The following HECTD4 variants were observed in gnomAD, a reference collection of about 807,000 sequenced individuals.
HECTD4 encodes HECT domain E3 ubiquitin protein ligase 4, also known as probable E3 ubiquitin-protein ligase HECTD4.
HECTD4 carries 114 observed loss-of-function variants against 471.5 expected under a neutral mutation model. The ratio of observed to expected loss-of-function variants is 0.24; its 90% CI spans 0.21 to 0.28. HECTD4 has a LOEUF of 0.28. Ranked by LOEUF, HECTD4 falls within the 10% of genes least tolerant of loss-of-function variation. The pLI, the probability that HECTD4 is intolerant of heterozygous loss-of-function variation, is 1.00. For synonymous variants in HECTD4, 2,012 were observed against 2,256.0 expected (o/e 0.89, Z 3.07); for missense variants, 3,866 against 5,651.5 (o/e 0.68, Z 10.13).
intron 8 of HECTD4, among the ~76,000 whole-genome samples, chr12:112,280,934 G>A (rs1385433094): frequency 6.6e-6 from 1 of 151,640 alleles, no homozygotes; most frequent in African/African-American, 2.4e-5. Context: ...GAGACTACAG[G>A]AGCCCACCAT....
chr12:112,229,674 T>C, intron 41 of HECTD4, 24 bp downstream of exon 41: 1 of 1,594,420 alleles, frequency 6.3e-7, no homozygotes, highest in Admixed American at 1.7e-5. Context: ...GAAGCAATGA[T>C]TTGGGGAACA....
chr12:112,238,211 C>T (rs1298975848), intron 34 of HECTD4, among the ~76,000 whole-genome samples: 1 of 152,054 alleles, frequency 6.6e-6, no homozygotes, highest in Non-Finnish European at 1.5e-5. Context: ...GGAAATTTAT[C>T]CTTCAAGTTT....
chr12:112,273,410 C>T (rs185402960), intron 11 of HECTD4, among the ~76,000 whole-genome samples: 1 of 152,240 alleles, frequency 6.6e-6, no homozygotes, highest in Admixed American at 6.5e-5. Context: ...AAGGACATAA[C>T]AATTTTCCTT....
At chr12:112,372,483 G>A (rs1272190872) in intron 1 of HECTD4, among the ~76,000 whole-genome samples, 5 of 138,794 alleles carry the variant, frequency 3.6e-5, no homozygotes, top group Admixed American at 7.7e-5. Context: ...AGATGGTCTC[G>A]ATCTCCTGAC....
chr12:112,345,038 G>A (rs1027361725), intron 1 of HECTD4, among the ~76,000 whole-genome samples: 2 of 152,172 alleles, frequency 1.3e-5, no homozygotes, highest in South Asian at 2.1e-4. Flanking sequence ...AGGATCACAT[G>A]AGCCCAGGAG....
In HECTD4 at chr12:112,170,379, G is replaced by A. The variant is rs2031165402; in HGVS notation, c.12006C>T (p.Asp4002=). 5 of 1,613,984 alleles carry A rather than the reference G, an allele frequency of 3.1e-6. No homozygotes were observed. The East Asian group carries it at 8.9e-5, about 29-fold the overall frequency. ...CCAAGGTGATCTCAGGGGCCGCGTG[G>A]TCCGCTGTCCTCTGCACAGTGGCAT... ...VLNATVQRTA[D]HAAPEITLDP... Residue 4002 remains aspartate (D), a synonymous_variant, in exon 69 of 76, where the codon GAC becomes GAT. Coordinates refer to ENST00000682272, the MANE Select transcript of HECTD4 (RefSeq NM_001388303.1).
At chr12:112,364,080 C>A (rs2036511552) in intron 1 of HECTD4, among the ~76,000 whole-genome samples, 1 of 147,168 alleles carries the variant, frequency 6.8e-6, no homozygotes, top group Non-Finnish European at 1.5e-5. Context: ...AATAATATTA[C>A]AACTGTTGAG....
intron 7 of HECTD4, among the ~76,000 whole-genome samples, chr12:112,292,823 C>A (rs1487480827): frequency 6.6e-6 from 1 of 151,980 alleles, no homozygotes; most frequent in East Asian, 1.9e-4. Context: ...GAGTTTGAGA[C>A]CATCCTGGGC....
At chr12:112,286,904 C>G (rs2135648033) in intron 7 of HECTD4, among the ~76,000 whole-genome samples, 1 of 152,266 alleles carries the variant, frequency 6.6e-6, no homozygotes, top group African/African-American at 2.4e-5. Flanking sequence ...CTCCAAAATA[C>G]CATGCTTCCT....
chr12:112,264,070 A>G lies in HECTD4; in HGVS notation c.2748+14T>C. ...TGGGTAGAACGCATCGTTAAAATAAAGCTTGGTGTTTACCTGTACCTTCAA... is the reference window on the plus strand; with the variant it reads ...TGGGTAGAACGCATCGTTAAAATAAGGCTTGGTGTTTACCTGTACCTTCAA... On this transcript the variant is annotated intron_variant, in intron 17 of 75. Transcript: ENST00000682272. 6.2e-7 allele frequency: 1 copy of G among 1,605,058 alleles called. No homozygotes were observed. The highest frequency in any genetic ancestry group is 1.7e-5 in the Admixed American group (1 of 58,928).
chr12:112,296,076 T>G (rs2035003724), intron 7 of HECTD4, among the ~76,000 whole-genome samples: 1 of 152,100 alleles, frequency 6.6e-6, no homozygotes, highest in Admixed American at 6.5e-5. Flanking sequence ...TTGGTGTGTG[T>G]GAGTAACATG....
At position 112,319,920 on chromosome 12, in the gene HECTD4, T is replaced by C. The variant is rs2035551137; in HGVS notation, c.178-178A>G. 6.6e-6 allele frequency among the ~76,000 whole-genome samples: 1 copy of C among 152,272 alleles called. No individual in the cohort carries two copies. Among genetic ancestry groups the C allele is most frequent in the Non-Finnish European group, 1.5e-5 (1 of 68,042 alleles). ...TTTGCTGATGGAATTGTTCCCCTTT[T>C]GGCTTTTCTGTTAATGCTTCCATGA... On this transcript the variant is annotated intron_variant, in intron 1 of 75. Coordinates refer to ENST00000682272, the MANE Select transcript of HECTD4 (RefSeq NM_001388303.1). This position sits in a 1 kb window ranked among gnomAD's most constrained non-coding sequence, Gnocchi z 5.3.
At chr12:112,299,377 A>G (rs141287402) in intron 7 of HECTD4, among the ~76,000 whole-genome samples, 1 of 152,236 alleles carries the variant, frequency 6.6e-6, no homozygotes, top group African/African-American at 2.4e-5. Flanking sequence ...ACACTTTGGG[A>G]GACTGAGGCA....
chr12:112,376,976 G>C (rs2036792870), intron 1 of HECTD4, among the ~76,000 whole-genome samples: 1 of 152,158 alleles, frequency 6.6e-6, no homozygotes. Flanking sequence ...GCCAGGCGTG[G>C]TGGTGCGTGC....
At chr12:112,190,731 C>T (rs2032048599) in intron 60 of HECTD4, 55 bp downstream of exon 60, 1 of 1,488,896 alleles carries the variant, frequency 6.7e-7, no homozygotes, top group African/African-American at 1.4e-5. Flanking sequence ...TCCTCAGGCA[C>T]CATGCCAGCT....
rs1312094064 is a variant in HECTD4, at chr12:112,213,603, G to A, written c.7466-953C>T. 2.6e-5 allele frequency among the ~76,000 whole-genome samples: 4 copies of A among 151,562 alleles called. No homozygotes were observed. Among genetic ancestry groups the A allele is most frequent in the East Asian group, 1.9e-4 (1 of 5,166 alleles). On this transcript the variant is annotated intron_variant, in intron 48 of 75. Transcript: ENST00000682272. This position sits in a 1 kb window ranked among gnomAD's most constrained non-coding sequence, Gnocchi z 4.0. Reference sequence around the variant, plus strand: ...TGGGAGGCTGAGGCAGAAGAATGGCGTGAACCCGGGAGGCGGAGGTTGCAG... The same window carrying A: ...TGGGAGGCTGAGGCAGAAGAATGGCATGAACCCGGGAGGCGGAGGTTGCAG...
intron 2 of HECTD4, among the ~76,000 whole-genome samples, chr12:112,318,185 A>T (rs2035521017): frequency 6.6e-6 from 1 of 151,852 alleles, no homozygotes; most frequent in Admixed American, 6.6e-5. Context: ...GAATCACTTG[A>T]ATCCGGGAGG....
In HECTD4 at chr12:112,204,490, T is replaced by C. The variant is rs1193064511; in HGVS notation, c.8265A>G (p.Arg2755=). 1.9e-6 allele frequency: 3 copies of C among 1,611,818 alleles called. No individual in the cohort carries two copies. Among genetic ancestry groups the C allele is most frequent in the Admixed American group, 3.4e-5 (2 of 59,400 alleles). ...GAGTAAGGAGGAAAGCAAAACCTTT[T>C]CGAACTTTATCAATTGTGAACTTGT... ...EANKFTIDKV[R]KGLTVVTRSP... Residue 2755 remains arginine (R), a synonymous_variant, in exon 53 of 76, where the codon CGA becomes CGG. Coordinates refer to ENST00000682272, the MANE Select transcript of HECTD4 (RefSeq NM_001388303.1).
intron 1 of HECTD4, among the ~76,000 whole-genome samples, chr12:112,361,250 TG>T: frequency 6.6e-6 from 1 of 152,222 alleles, no homozygotes; most frequent in South Asian, 2.1e-4. Context: ...CTATTCTGGG[TG>T]TGTTACCCCA....
Sources: allele counts gnomAD v4.1 joint callset (sites outside exome capture counted in the v4.1 genomes callset), GRCh38; gene constraint gnomAD v4.1.1; non-coding constraint Gnocchi (gnomAD v3.1); transcripts MANE v1.5; gene names NCBI Gene and HGNC (gene_info 2026-07-23, HGNC 2026-07-21).